Variants in BCAS3 observed in about 807,000 individuals in gnomAD.
BCAS3 encodes the protein BCAS3 microtubule associated cell migration factor.
Under a neutral mutation model 116.1 loss-of-function variants are expected in BCAS3, and 53 were observed. The ratio of observed to expected loss-of-function variants is 0.46; its 90% CI spans 0.37 to 0.57. BCAS3 has a LOEUF of 0.57. Ranked by LOEUF, BCAS3 falls within the 20% of genes least tolerant of loss-of-function variation. The probability of loss-of-function intolerance (pLI) is 0.00; values close to 1 mark genes in which losing one functional copy is unlikely to be tolerated. For synonymous variants in BCAS3, 391 were observed against 408.2 expected (o/e 0.96, Z 0.51); for missense variants, 917 against 1,165.4 (o/e 0.79, Z 3.10).
chr17:61,156,599 C>T lies in BCAS3; in HGVS notation c.2425+72035C>T, dbSNP rs1378863010. On this transcript the variant is annotated intron_variant, in intron 22 of 23. Transcript: ENST00000407086. The surrounding 1 kb of genome is among the most constrained non-coding windows in gnomAD (Gnocchi z 4.7). ...CCTGCCTCCCCTTTTATTTTTATGT[C>T]GAGTTTCATCATTTGGTAAGAAATT... is the stretch of plus-strand genomic sequence containing the variant. Among the ~76,000 whole-genome samples, 2 of 152,042 alleles carry T rather than the reference C, an allele frequency of 1.3e-5. No individual in the cohort carries two copies. Among genetic ancestry groups the T allele is most frequent in the Non-Finnish European group, 2.9e-5 (2 of 68,000 alleles).
intron 6 of BCAS3, chr17:60,748,970 G>T (rs1302847761): frequency 1.3e-5 from 2 of 152,046 alleles, no homozygotes; most frequent in African/African-American, 4.8e-5. Flanking sequence ...TAGTGAGAAG[G>T]GGGGAAAAAG....
intron 5 of BCAS3, among the ~76,000 whole-genome samples, chr17:60,732,091 A>G (rs573197447): frequency 6.6e-6 from 1 of 152,080 alleles, no homozygotes; most frequent in East Asian, 1.9e-4. Flanking sequence ...CCTATTTTCA[A>G]CTATTAACAT....
intron 22 of BCAS3, among the ~76,000 whole-genome samples, chr17:61,287,156 G>A (rs1405066474): frequency 6.6e-6 from 1 of 151,880 alleles, no homozygotes; most frequent in East Asian, 1.9e-4. Context: ...GCTGAGGCAG[G>A]AGAATGGCGT....
chr17:60,813,991 G>A (rs1598894493), intron 7 of BCAS3, among the ~76,000 whole-genome samples: 1 of 152,208 alleles, frequency 6.6e-6, no homozygotes, highest in East Asian at 1.9e-4. Context: ...TTTTGCCTGG[G>A]ATTGCTTTGG....
intron 15 of BCAS3, among the ~76,000 whole-genome samples, chr17:61,002,381 A>G (rs1381861182): frequency 1.3e-5 from 2 of 151,654 alleles, no homozygotes; most frequent in Admixed American, 6.6e-5. Flanking sequence ...TTTTCTATGT[A>G]TTTTTTACAT....
intron 22 of BCAS3, among the ~76,000 whole-genome samples, chr17:61,089,131 A>G (rs2073322739): frequency 6.6e-6 from 1 of 152,230 alleles, no homozygotes; most frequent in Non-Finnish European, 1.5e-5. Context: ...AATTGAAGTA[A>G]TAAAAATAAT....
At position 61,316,497 on chromosome 17, in the gene BCAS3, C is replaced by G. The variant is rs987788583; in HGVS notation, c.2426-51830C>G. Among the ~76,000 whole-genome samples, 3 of 152,098 alleles carry G rather than the reference C, an allele frequency of 2.0e-5. No homozygotes were observed. Among genetic ancestry groups the G allele is most frequent in the African/African-American group, 7.2e-5 (3 of 41,418 alleles). ...ACATGCCCCTCACCCAGCACCTCTGCCCTCCTATTTGCCTCCACATGCCGC... is the reference window on the plus strand; with the variant it reads ...ACATGCCCCTCACCCAGCACCTCTGGCCTCCTATTTGCCTCCACATGCCGC... On this transcript the variant is annotated intron_variant, in intron 22 of 23. Coordinates refer to ENST00000407086, the MANE Select transcript of BCAS3 (RefSeq NM_017679.5). The surrounding 1 kb of genome is among the most constrained non-coding windows in gnomAD (Gnocchi z 5.8).
At chr17:60,817,516 G>C (rs1377074007) in intron 7 of BCAS3, among the ~76,000 whole-genome samples, 1 of 152,180 alleles carries the variant, frequency 6.6e-6, no homozygotes, top group African/African-American at 2.4e-5. Flanking sequence ...TTTATGTAGA[G>C]AGAATCATAG....
Position 61,387,086 on chromosome 17 carries a change from G to A in BCAS3, c.2594-4891G>A, listed in dbSNP as rs1185667077. 4.6e-5 allele frequency among the ~76,000 whole-genome samples: 7 copies of A among 152,138 alleles called. No individual in the cohort carries two copies. The highest frequency in any genetic ancestry group is 7.2e-5 in the African/African-American group (3 of 41,422). On this transcript the variant is annotated intron_variant, in intron 23 of 23. Coordinates refer to ENST00000407086, the MANE Select transcript of BCAS3 (RefSeq NM_017679.5). The surrounding 1 kb of genome is among the most constrained non-coding windows in gnomAD (Gnocchi z 6.2). ...CTGCACCTGGCCCGACTTCACCTCCGACCTACTGCTGGGGCCCCTGGTTTG... is the reference window on the plus strand; with the variant it reads ...CTGCACCTGGCCCGACTTCACCTCCAACCTACTGCTGGGGCCCCTGGTTTG...
chr17:61,270,008 T>C (rs1210561616), intron 22 of BCAS3, among the ~76,000 whole-genome samples: 1 of 151,788 alleles, frequency 6.6e-6, no homozygotes, highest in African/African-American at 2.4e-5. Flanking sequence ...TTTTGCCATT[T>C]TTTCCAGGCT....
At position 61,213,899 on chromosome 17, in the gene BCAS3, G is replaced by A. The variant is rs895910499; in HGVS notation, c.2425+129335G>A. Among the ~76,000 whole-genome samples the A allele has an allele frequency of 6.6e-6, 1 of 152,128 alleles. No individual in the cohort carries two copies. Among genetic ancestry groups the A allele is most frequent in the Non-Finnish European group, 1.5e-5 (1 of 68,030 alleles). On this transcript the variant is annotated intron_variant, in intron 22 of 23. Coordinates refer to ENST00000407086, the MANE Select transcript of BCAS3 (RefSeq NM_017679.5). The surrounding 1 kb of genome is among the most constrained non-coding windows in gnomAD (Gnocchi z 5.4). The stretch of plus-strand genomic sequence containing the variant: ...GCCCTTTTGTATTTGTCCCAGGGTA[G>A]CAGAGAAGAGACTATAGAAATGTAG...
chr17:61,313,667 TGGA>T lies in BCAS3; in HGVS notation c.2426-54653_2426-54651del, dbSNP rs781011700. ...CTGCTCGCTGAAGAGGTACAGCATC[TGGA>T]GGAGGACTTTCCGGCCAGGGTACAG... is the stretch of plus-strand genomic sequence containing the variant. On this transcript the variant is annotated intron_variant, in intron 22 of 23. Transcript: ENST00000407086. The surrounding 1 kb of genome is among the most constrained non-coding windows in gnomAD (Gnocchi z 4.3). Among the ~76,000 whole-genome samples, 64 of 152,336 alleles carry T rather than the reference TGGA, an allele frequency of 4.2e-4. No individual in the cohort carries two copies. Among genetic ancestry groups the T allele is most frequent in the South Asian group, 2.1e-3 (10 of 4,826 alleles).
intron 22 of BCAS3, among the ~76,000 whole-genome samples, chr17:61,091,822 G>A (rs2073595454): frequency 6.6e-6 from 1 of 152,208 alleles, no homozygotes; most frequent in African/African-American, 2.4e-5. Context: ...TCTCAGCGGA[G>A]TCCCTTTCAG....
intron 5 of BCAS3, among the ~76,000 whole-genome samples, chr17:60,729,340 C>T (rs1217897722): frequency 2.9e-5 from 4 of 138,440 alleles, no homozygotes; most frequent in Admixed American, 1.5e-4. Context: ...TTTAAGATAC[C>T]TAGTGAAATT....
chr17:60,983,673 C>T (rs1195916828), intron 14 of BCAS3, among the ~76,000 whole-genome samples: 1 of 152,042 alleles, frequency 6.6e-6, no homozygotes, highest in African/African-American at 2.4e-5. Context: ...GAAAGAAACT[C>T]CTTTTTATTG....
intron 19 of BCAS3, among the ~76,000 whole-genome samples, chr17:61,052,207 C>A (rs1286602018): frequency 6.6e-6 from 1 of 151,938 alleles, no homozygotes; most frequent in Non-Finnish European, 1.5e-5. Flanking sequence ...GGTACTTTCC[C>A]AGCTTACTGA....
Position 61,118,874 on chromosome 17 carries a change from G to GT in BCAS3, c.2425+34320dup, listed in dbSNP as rs112846146. On this transcript the variant is annotated intron_variant, in intron 22 of 23. Transcript: ENST00000407086. This position sits in a 1 kb window ranked among gnomAD's most constrained non-coding sequence, Gnocchi z 5.0. ...TAGATATTGTTTTTTGCCTAATCTGGTTTTTTTTTTGTTTCTTATTGCATA... is the reference window on the plus strand; with the variant it reads ...TAGATATTGTTTTTTGCCTAATCTGGTTTTTTTTTTTGTTTCTTATTGCATA... Among the ~76,000 whole-genome samples the GT allele has an allele frequency of 1.2e-3, 185 of 148,154 alleles. No homozygotes were observed. The highest frequency in any genetic ancestry group is 1.7e-3 in the South Asian group (8 of 4,674).
intron 15 of BCAS3, among the ~76,000 whole-genome samples, chr17:61,015,451 G>A (rs973465953): frequency 5.3e-5 from 8 of 152,056 alleles, no homozygotes; most frequent in Non-Finnish European, 8.8e-5. Flanking sequence ...ACAATACTCA[G>A]CTAATTTTTG....
chr17:61,359,830 CAGTT>C (rs1448924346), intron 22 of BCAS3, among the ~76,000 whole-genome samples: 2 of 152,062 alleles, frequency 1.3e-5, no homozygotes, highest in Non-Finnish European at 2.9e-5. Flanking sequence ...TACCCTGACT[CAGTT>C]AGACTGAAAT....
Sources: gnomAD v4.1 joint callset for allele counts (sites outside exome capture counted in the v4.1 genomes callset) on GRCh38, gnomAD v4.1.1 for gene constraint, Gnocchi (gnomAD v3.1) non-coding constraint, MANE v1.5 for transcripts, NCBI Gene and HGNC (gene_info 2026-07-23, HGNC 2026-07-21) for gene names.